The following PCLO variants were observed in gnomAD, a reference collection of about 807,000 sequenced individuals.
PCLO encodes piccolo presynaptic cytomatrix protein, also known as protein piccolo.
PCLO carries 82 observed loss-of-function variants against 427.5 expected under a neutral mutation model. The observed-to-expected ratio is 0.19, with a 90% CI of 0.16 to 0.23. The LOEUF is 0.23. Ranked by LOEUF, PCLO falls within the 10% of genes least tolerant of loss-of-function variation. The probability of loss-of-function intolerance (pLI) is 1.00; values close to 1 mark genes in which losing one functional copy is unlikely to be tolerated. For missense variants in PCLO, 6,239 were observed against 6,115.9 expected (o/e 1.02, Z -0.67); for synonymous variants, 2,357 against 2,155.4 (o/e 1.09, Z -2.59).
At chr7:82,796,225 C>A (rs1791221085) in intron 22 of PCLO, among the ~76,000 whole-genome samples, 1 of 151,992 alleles carries the variant, frequency 6.6e-6, no homozygotes. Flanking sequence ...GGGTATTTTG[C>A]AGTAAATGCC....
At chr7:82,961,272 G>C (rs1795650329) in intron 4 of PCLO, among the ~76,000 whole-genome samples, 1 of 152,182 alleles carries the variant, frequency 6.6e-6, no homozygotes, top group Non-Finnish European at 1.5e-5. Context: ...TGGAGGTTCA[G>C]GTGGGATTTT....
At chr7:83,032,493 G>T (rs1344706363) in intron 3 of PCLO, among the ~76,000 whole-genome samples, 1 of 123,588 alleles carries the variant, frequency 8.1e-6, no homozygotes, top group Non-Finnish European at 1.6e-5. Context: ...TCCTTCCCTT[G>T]CTTCACTTCC....
intron 3 of PCLO, among the ~76,000 whole-genome samples, chr7:83,109,938 A>G (rs1312519039): frequency 6.6e-6 from 1 of 151,908 alleles, no homozygotes; most frequent in East Asian, 1.9e-4. Context: ...TTAGAGCCAG[A>G]CTGTCTGGGT....
At chr7:82,882,266 A>AT (rs1259188302) in intron 9 of PCLO, among the ~76,000 whole-genome samples, 1 of 152,172 alleles carries the variant, frequency 6.6e-6, no homozygotes, top group Non-Finnish European at 1.5e-5. Flanking sequence ...TACCAATAGA[A>AT]TTTTTTGTAA....
chr7:83,040,883 A>G (rs1165619520), intron 3 of PCLO, among the ~76,000 whole-genome samples: 1 of 152,200 alleles, frequency 6.6e-6, no homozygotes, highest in Non-Finnish European at 1.5e-5. Context: ...ATAAACATAT[A>G]TCAAAACATC....
chr7:83,112,139 C>A (rs1791020002), intron 3 of PCLO, among the ~76,000 whole-genome samples: 1 of 152,070 alleles, frequency 6.6e-6, no homozygotes, highest in Non-Finnish European at 1.5e-5. Context: ...TACCCTGCAA[C>A]CTCTGCTTCC....
rs867376638 is a variant in PCLO at position 82,954,103 on chromosome 7, G to A, written c.6850C>T (p.Pro2284Ser). The A allele has an allele frequency of 2.5e-6, 4 of 1,613,770 alleles. No individual in the cohort carries two copies. In the African/African-American group the frequency reaches 4.0e-5, roughly 16 times the overall value. ...TCAGTAGAAACAGTGTCAGCAACTG[G>A]CCCTTCAGGTTTAGGTACTACAGAT... The part of the protein sequence containing the change: ...IESVVPKPEG[P>S]VADTVSTDLL... Residue 2284 changes from proline to serine, a missense_variant, in exon 5 of 25, where the codon CCA (proline) becomes TCA (serine). By Grantham distance (74) the Pro-to-Ser change is moderately conservative. Around this residue, in one of 5 missense-constraint regions of PCLO, gnomAD observed 4,677 missense variants for 4,468.4 expected, o/e 1.05. Coordinates refer to ENST00000333891, the MANE Select transcript of PCLO (RefSeq NM_033026.6).
chr7:82,980,283 A>G (rs1796117811), intron 3 of PCLO, among the ~76,000 whole-genome samples: 1 of 152,092 alleles, frequency 6.6e-6, no homozygotes, highest in South Asian at 2.1e-4. Flanking sequence ...GGAATGCTTT[A>G]TTTTCACACC....
Position 82,915,779 on chromosome 7 carries a change from A to C in PCLO, c.12207T>G (p.His4069Gln). The C allele has an allele frequency of 2.5e-6, 4 of 1,612,562 alleles. No individual in the cohort carries two copies. Among genetic ancestry groups the C allele is most frequent in the Non-Finnish European group, 3.4e-6 (4 of 1,179,150 alleles). ...GGTCTGTTTTTGACAGATCCTTTTCATGAAGGCTAAATGCGGTGCTTAATG... is the reference window on the plus strand; with the variant it reads ...GGTCTGTTTTTGACAGATCCTTTTCCTGAAGGCTAAATGCGGTGCTTAATG... ...TAALSTAFSL[H>Q]EKDLSKTDRL... Residue 4069 changes from histidine (H) to glutamine (Q), a missense_variant, in exon 7 of 25, where the codon CAT (histidine) becomes CAG (glutamine). Physicochemically the swap from His to Gln is conservative, Grantham distance 24 (BLOSUM62 0). Coordinates refer to ENST00000333891, the MANE Select transcript of PCLO (RefSeq NM_033026.6).
At chr7:82,968,152 G>A (rs1284065573) in intron 3 of PCLO, among the ~76,000 whole-genome samples, 3 of 152,134 alleles carry the variant, frequency 2.0e-5, no homozygotes, top group Non-Finnish European at 4.4e-5. Flanking sequence ...ATCTAAAAGA[G>A]TAAAGACAAA....
At chr7:82,975,685 T>C (rs1796001513) in intron 3 of PCLO, among the ~76,000 whole-genome samples, 2 of 152,168 alleles carry the variant, frequency 1.3e-5, no homozygotes, top group African/African-American at 4.8e-5. Context: ...CAGTATTGTT[T>C]GGCTCTGTGT....
At chr7:82,820,679 C>A in intron 20 of PCLO, 1 of 1,230,300 alleles carries the variant, frequency 8.1e-7, no homozygotes, top group Non-Finnish European at 1.0e-6. Context: ...TTTTCAAAAT[C>A]CACTAAATTT....
At chr7:82,766,878 A>G (rs1415644862) in intron 22 of PCLO, among the ~76,000 whole-genome samples, 1 of 152,046 alleles carries the variant, frequency 6.6e-6, no homozygotes, top group Non-Finnish European at 1.5e-5. Context: ...TTTTTTTTAT[A>G]AGTTTCTCTC....
chr7:83,125,711 C>T (rs561415528), intron 3 of PCLO, among the ~76,000 whole-genome samples: 29 of 152,178 alleles, frequency 1.9e-4, no homozygotes, highest in Admixed American at 1.2e-3. Flanking sequence ...GTCATCGCCA[C>T]GCCCTAATCT....
At chr7:82,786,961 G>A (rs1370135934) in intron 22 of PCLO, among the ~76,000 whole-genome samples, 1 of 152,038 alleles carries the variant, frequency 6.6e-6, no homozygotes, top group East Asian at 1.9e-4. Flanking sequence ...TGGTGTATAT[G>A]TGCCACGTTT....
At chr7:83,070,598 A>G (rs1789788689) in intron 3 of PCLO, among the ~76,000 whole-genome samples, 2 of 152,154 alleles carry the variant, frequency 1.3e-5, no homozygotes, top group Non-Finnish European at 2.9e-5. Flanking sequence ...CATGTTAGCC[A>G]GGATAGTCTC....
At chr7:83,071,210 T>C (rs1313841494) in intron 3 of PCLO, among the ~76,000 whole-genome samples, 1 of 152,154 alleles carries the variant, frequency 6.6e-6, no homozygotes, top group African/African-American at 2.4e-5. Context: ...AGTAACTCCC[T>C]ATTCCTCTCT....
chr7:82,818,433 GCA>G (rs1321893865), intron 20 of PCLO, among the ~76,000 whole-genome samples: 2 of 152,102 alleles, frequency 1.3e-5, no homozygotes, highest in Admixed American at 6.6e-5. Context: ...CACTGGGCTT[GCA>G]CAGTGGGAAG....
At chr7:83,061,667 G>T (rs895016402) in intron 3 of PCLO, among the ~76,000 whole-genome samples, 9 of 152,114 alleles carry the variant, frequency 5.9e-5, no homozygotes, top group African/African-American at 2.2e-4. Flanking sequence ...GTATAGGTAA[G>T]TTTATTTCCT....
Sources: gnomAD v4.1 joint callset for allele counts (sites outside exome capture counted in the v4.1 genomes callset) on GRCh38, gnomAD v4.1.1 for gene constraint, gnomAD v4.1.1 regional missense constraint, MANE v1.5 for transcripts, NCBI Gene and HGNC (gene_info 2026-07-23, HGNC 2026-07-21) for gene names.